The following HTR3D variants were observed in gnomAD, a reference collection of about 807,000 sequenced individuals.
The protein encoded by HTR3D is 5-hydroxytryptamine (serotonin) receptor 3 family member D.
HTR3D carries 47 observed loss-of-function variants against 45.8 expected under a neutral mutation model. The ratio of observed to expected loss-of-function variants is 1.03; its 90% CI spans 0.81 to 1.31. The LOEUF (loss-of-function observed/expected upper bound fraction) is 1.31. Among genes scored for constraint, HTR3D ranks in the 50% most tolerant of loss-of-function variants. The pLI is 0.00. For missense variants in HTR3D, 448 were observed against 506.9 expected (o/e 0.88, Z 1.12); for synonymous variants, 203 against 199.8 (o/e 1.02, Z -0.13).
At chr3:184,033,116 T>C in intron 1 of HTR3D, 2 of 1,217,478 alleles carry the variant, frequency 1.6e-6, no homozygotes, top group Non-Finnish European at 2.2e-6. Context: ...ACCCTCTGAC[T>C]GGATTTTTTT....
rs151016920 is a variant in HTR3D, at chr3:184,036,511, C to T, written c.334C>T (p.Arg112Cys). The T allele has an allele frequency of 4.8e-5, 77 of 1,614,098 alleles. No homozygotes were observed. Among genetic ancestry groups the T allele is most frequent in the Non-Finnish European group, 5.8e-5 (69 of 1,180,046 alleles). Residue 112 changes from arginine (R) to cysteine (C), a missense_variant, in exon 4 of 8, where the codon CGC (arginine) becomes TGC (cysteine). Coordinates refer to ENST00000428798, the MANE Select transcript of HTR3D (RefSeq NM_001145143.1). The part of the protein sequence containing the change: ...SISPSMDRGE[R>C]SPSALSPTQV... ...TTCCCCTTCCATGGACAGAGGTGAA[C>T]GCTCTCCTTCAGCCCTTTCACCTAC...
At chr3:184,036,979 C>T (rs1031667890) in intron 5 of HTR3D, 83 bp downstream of exon 5, 15 of 1,377,112 alleles carry the variant, frequency 1.1e-5, no homozygotes, top group African/African-American at 2.9e-5. Flanking sequence ...CCGCCCGCCT[C>T]GGCCTCCCAA....
rs758953429 is a variant in HTR3D, at chr3:184,038,617, C to T, written c.978C>T (p.His326=). 5 of 1,612,922 alleles carry T rather than the reference C, an allele frequency of 3.1e-6. No individual in the cohort carries two copies. The highest frequency in any genetic ancestry group is 4.2e-6 in the Non-Finnish European group (5 of 1,179,420). ...AGGGCCCGGGTCTCACCCCCACCCA[C>T]CTGCCCGGTGAGGGAAGTCATACTT... ...GNKGPGLTPT[H]LPGVKEPEVS... The change falls in exon 7 of 8, where the codon CAC becomes CAT. Residue 326 remains histidine (H), a synonymous_variant. Transcript: ENST00000428798. This position sits in a 1 kb window ranked among gnomAD's most constrained non-coding sequence, Gnocchi z 4.5.
intron 1 of HTR3D, among the ~76,000 whole-genome samples, chr3:184,032,309 A>G (rs905470080): frequency 1.3e-5 from 2 of 152,162 alleles, no homozygotes; most frequent in African/African-American, 4.8e-5. Flanking sequence ...ACTCTTTAAG[A>G]TAATCCTAGT....
At chr3:184,037,975 C>A (rs1022644588) in intron 5 of HTR3D, 46 bp from the exon 6 acceptor site, 1 of 1,597,196 alleles carries the variant, frequency 6.3e-7, no homozygotes, top group African/African-American at 1.3e-5. Flanking sequence ...GTCTTGACAG[C>A]CTCCCAGCCT....
chr3:184,035,979 C>T, intron 2 of HTR3D, 36 bp from the exon 3 acceptor site: 1 of 1,546,444 alleles, frequency 6.5e-7, no homozygotes, highest in East Asian at 2.4e-5. Context: ...AGACAGAAGC[C>T]ACCATGCCCG....
upstream of HTR3D, chr3:184,031,704 C>T: frequency 1.4e-6 from 2 of 1,449,210 alleles, no homozygotes; most frequent in Admixed American, 2.0e-5. Context: ...AGGTTAACAT[C>T]ATCATCAAGT....
rs1576979842 is a variant in HTR3D, at chr3:184,038,159, G to A, written c.655G>A (p.Val219Ile). Residue 219 changes from valine to isoleucine, a missense_variant, in exon 6 of 8, where the codon GTT becomes ATT. Val to Ile is a conservative substitution (Grantham distance 29, BLOSUM62 3). Coordinates refer to ENST00000428798, the MANE Select transcript of HTR3D (RefSeq NM_001145143.1). The surrounding 1 kb of genome is among the most constrained non-coding windows in gnomAD (Gnocchi z 4.5). ...SGNCAPFKMT[V>I]LLGYSVFLLM... Reference sequence around the variant, plus strand: ...GAATTGTGCCCCATTCAAGATGACTGTTCTGCTGGGCTACAGCGTCTTCCT... The same window carrying A: ...GAATTGTGCCCCATTCAAGATGACTATTCTGCTGGGCTACAGCGTCTTCCT... 3 of 1,614,176 alleles carry A rather than the reference G, an allele frequency of 1.9e-6. No individual in the cohort carries two copies. The highest frequency in any genetic ancestry group is 2.5e-6 in the Non-Finnish European group (3 of 1,180,024).
intron 1 of HTR3D, among the ~76,000 whole-genome samples, chr3:184,033,559 T>A (rs1722805298): frequency 6.6e-6 from 1 of 152,054 alleles, no homozygotes; most frequent in Non-Finnish European, 1.5e-5. Flanking sequence ...TTACTAATAG[T>A]TAAGAAAATG....
upstream of HTR3D, chr3:184,031,726 T>C (rs1722754196): frequency 6.5e-7 from 1 of 1,545,866 alleles, no homozygotes; most frequent in Non-Finnish European, 8.8e-7. Context: ...CCCAGAGAAG[T>C]GCCAAAGAGA....
At chr3:184,032,186 GT>G (rs1368972006) in intron 1 of HTR3D, among the ~76,000 whole-genome samples, 1 of 152,148 alleles carries the variant, frequency 6.6e-6, no homozygotes, top group African/African-American at 2.4e-5. Flanking sequence ...TAGAGATGGG[GT>G]TTCACCATGT....
At chr3:184,037,016 C>CG in intron 5 of HTR3D, 120 bp downstream of exon 5, 1 of 856,522 alleles carries the variant, frequency 1.2e-6, no homozygotes, top group Non-Finnish European at 1.7e-6. Flanking sequence ...GCGTGAACCA[C>CG]GAAGCCCGGC....
At position 184,038,393 on chromosome 3, in the gene HTR3D, A is replaced by G. The variant is rs761877540; in HGVS notation, c.770-16A>G. On this transcript the variant is annotated splice_polypyrimidine_tract_variant and intron_variant, in intron 6 of 7. Coordinates refer to ENST00000428798, the MANE Select transcript of HTR3D (RefSeq NM_001145143.1). The surrounding 1 kb of genome is among the most constrained non-coding windows in gnomAD (Gnocchi z 4.5). ...GGTGGCGCCTCTGGCCCTCATGCAGACCCCCTTGCCTGCAGGTGTCTACTT... is the reference window on the plus strand; with the variant it reads ...GGTGGCGCCTCTGGCCCTCATGCAGGCCCCCTTGCCTGCAGGTGTCTACTT... 1 of 1,613,888 alleles carries G rather than the reference A, an allele frequency of 6.2e-7. No homozygotes were observed. The highest frequency in any genetic ancestry group is 8.5e-7 in the Non-Finnish European group (1 of 1,179,956).
chr3:184,033,778 G>A (rs549869871), intron 1 of HTR3D, among the ~76,000 whole-genome samples: 29 of 152,178 alleles, frequency 1.9e-4, no homozygotes, highest in African/African-American at 6.0e-4. Context: ...TTAGCTGGGC[G>A]TGTTGGTGGG....
In HTR3D at chr3:184,036,599, A is replaced by G. The variant is rs540906865; in HGVS notation, c.367+55A>G. On this transcript the variant is annotated intron_variant, in intron 4 of 7. Transcript: ENST00000428798. ...GGCAGAGAAAGGGCTTTGAGTGAGA[A>G]GAGGACAGAAAGCTGGGAACAGTGA... The G allele has an allele frequency of 1.9e-5, 30 of 1,606,796 alleles. No homozygotes were observed. In the South Asian group the frequency reaches 3.3e-4, roughly 18 times the overall value.
chr3:184,037,926 A>T, intron 5 of HTR3D, 95 bp from the exon 6 acceptor site: 4 of 1,464,326 alleles, frequency 2.7e-6, no homozygotes, highest in Non-Finnish European at 3.7e-6. Context: ...CTTACTAGAC[A>T]GTTTGGCCTG....
intron 5 of HTR3D, 43 bp downstream of exon 5, chr3:184,036,939 G>A (rs1470820047): frequency 1.3e-6 from 2 of 1,538,724 alleles, no homozygotes; most frequent in Admixed American, 4.0e-5. Context: ...TGTTGGCCAG[G>A]CTGGTCTTGA....
intron 4 of HTR3D, 61 bp from the exon 5 acceptor site, chr3:184,036,687 G>C: frequency 1.3e-6 from 2 of 1,558,872 alleles, no homozygotes; most frequent in South Asian, 2.4e-5. Flanking sequence ...CTGGGCAAGG[G>C]ACTTGGGCGC....
intron 1 of HTR3D, among the ~76,000 whole-genome samples, chr3:184,034,175 T>C (rs188807209): frequency 8.6e-5 from 13 of 151,798 alleles, no homozygotes; most frequent in South Asian, 2.1e-4. Flanking sequence ...TTACTCACAA[T>C]AGTTAAAACT....
Sources: gnomAD v4.1 joint callset for allele counts (sites outside exome capture counted in the v4.1 genomes callset) on GRCh38, gnomAD v4.1.1 for gene constraint, Gnocchi (gnomAD v3.1) non-coding constraint, MANE v1.5 for transcripts, NCBI Gene and HGNC (gene_info 2026-07-23, HGNC 2026-07-21) for gene names.